Variants in FOXN3 observed in about 807,000 individuals in gnomAD.
FOXN3 encodes the protein forkhead box N3.
A neutral mutation model predicts 38.4 loss-of-function variants in FOXN3; 7 were observed. That is an observed-to-expected ratio of 0.18 (90% CI 0.10 to 0.34). The LOEUF (loss-of-function observed/expected upper bound fraction) is 0.34. FOXN3 is among the 10% of genes least tolerant of loss of function. The pLI, the probability that FOXN3 is intolerant of heterozygous loss-of-function variation, is 1.00. For missense variants in FOXN3, 456 were observed against 613.4 expected (o/e 0.74, Z 2.71); for synonymous variants, 230 against 242.2 (o/e 0.95, Z 0.47).
intron 1 of FOXN3, among the ~76,000 whole-genome samples, chr14:89,549,205 G>A (rs1478518304): frequency 6.8e-6 from 1 of 146,036 alleles, no homozygotes; most frequent in Non-Finnish European, 1.5e-5. Context: ...CTCATGTGTT[G>A]TTTGAAAGGC....
At chr14:89,262,942 G>A (rs563377972) in intron 4 of FOXN3, among the ~76,000 whole-genome samples, 24 of 152,238 alleles carry the variant, frequency 1.6e-4, no homozygotes, top group Non-Finnish European at 2.5e-4. Flanking sequence ...AACCTCTAAG[G>A]TACTGGTATA....
Position 89,160,843 on chromosome 14 carries a change from C to T in FOXN3, c.*1571G>A, listed in dbSNP as rs1449402241. On this transcript the variant is annotated 3_prime_UTR_variant, in exon 6 of 6. Coordinates refer to ENST00000557258, the MANE Select transcript of FOXN3 (RefSeq NM_005197.4). ...AATTTGTCCCTGAAGAAGGTTAAAC[C>T]TTAAACACCTGCTTCAAAAAACCAA... is the stretch of plus-strand genomic sequence containing the variant. 6.7e-6 allele frequency: 1 copy of T among 150,164 alleles called. No homozygotes were observed. The highest frequency in any genetic ancestry group is 2.5e-5 in the African/African-American group (1 of 40,602). The allele number at this position is 150,164 out of a possible 1,614,324, so 9.3% of individuals were successfully genotyped here.
intron 4 of FOXN3, among the ~76,000 whole-genome samples, chr14:89,250,533 A>G (rs1242263871): frequency 6.6e-6 from 1 of 152,256 alleles, no homozygotes; most frequent in Non-Finnish European, 1.5e-5. Flanking sequence ...AAAGAAAAGC[A>G]GCCTTTGATG....
intron 1 of FOXN3, among the ~76,000 whole-genome samples, chr14:89,507,233 C>T (rs1596301849): frequency 6.6e-6 from 1 of 152,164 alleles, no homozygotes; most frequent in Admixed American, 6.5e-5. Flanking sequence ...AGAAAGCCAC[C>T]TAACAGCATA....
At chr14:89,180,931 A>AACACACACACACACGTGCACAT (rs1887653418) in intron 4 of FOXN3, 125 bp from the exon 5 acceptor site, 1 of 397,154 alleles carries the variant, frequency 2.5e-6, no homozygotes, top group East Asian at 4.0e-5. Flanking sequence ...GACAGAGAGA[A>AACACACACACACACGTGCACAT]ACACACACAC....
intron 3 of FOXN3, among the ~76,000 whole-genome samples, chr14:89,284,106 C>T (rs1400344075): frequency 3.3e-5 from 5 of 152,266 alleles, no homozygotes; most frequent in Admixed American, 2.6e-4. Context: ...TGACCTCAAG[C>T]GATCCACTCG....
At chr14:89,244,884 A>G (rs1319494460) in intron 4 of FOXN3, among the ~76,000 whole-genome samples, 1 of 152,188 alleles carries the variant, frequency 6.6e-6, no homozygotes, top group Non-Finnish European at 1.5e-5. Flanking sequence ...CATTTCCTTC[A>G]ACTCATATTA....
At chr14:89,522,476 T>G (rs886434698) in intron 1 of FOXN3, among the ~76,000 whole-genome samples, 8 of 152,194 alleles carry the variant, frequency 5.3e-5, no homozygotes, top group Non-Finnish European at 5.9e-5. Flanking sequence ...ATAACTTTCT[T>G]TCTTATTATT....
chr14:89,240,996 C>A (rs993501666), intron 4 of FOXN3, among the ~76,000 whole-genome samples: 2 of 152,126 alleles, frequency 1.3e-5, no homozygotes, highest in African/African-American at 2.4e-5. Context: ...CCACAATAAT[C>A]ACTCTTGGAA....
In FOXN3 at chr14:89,412,463, A is replaced by G; in HGVS notation, c.14T>C (p.Met5Thr). The G allele has an allele frequency of 1.2e-6, 2 of 1,605,268 alleles. No homozygotes were observed. The highest frequency in any genetic ancestry group is 1.7e-6 in the Non-Finnish European group (2 of 1,174,180). ...GCTTTCTGGCTTCTTACTGGGAGGC[A>G]TGACTGGACCCATTTACGTGAAGGC... MGPVMPPSKKPESSG... is the reference protein window; with the variant it reads MGPVTPPSKKPESSG... Residue 5 changes from methionine (M) to threonine (T), a missense_variant, in exon 2 of 6, where the codon ATG becomes ACG. This residue lies in a region of FOXN3 where 59 missense variants were observed against 69.0 expected (regional missense o/e 0.85). Transcript: ENST00000557258. The surrounding 1 kb of genome is among the most constrained non-coding windows in gnomAD (Gnocchi z 4.7).
At chr14:89,463,472 A>T (rs987489964) in intron 1 of FOXN3, among the ~76,000 whole-genome samples, 1 of 152,190 alleles carries the variant, frequency 6.6e-6, no homozygotes, top group African/African-American at 2.4e-5. Context: ...GTAAAGATTC[A>T]CAAGACTGCA....
At chr14:89,369,713 C>T (rs1388881356) in intron 2 of FOXN3, among the ~76,000 whole-genome samples, 1 of 151,466 alleles carries the variant, frequency 6.6e-6, no homozygotes, top group Non-Finnish European at 1.5e-5. Context: ...CATCAGATCT[C>T]ATAAGACTTG....
At chr14:89,518,550 C>T (rs889671431) in intron 1 of FOXN3, among the ~76,000 whole-genome samples, 1 of 152,196 alleles carries the variant, frequency 6.6e-6, no homozygotes, top group Non-Finnish European at 1.5e-5. Flanking sequence ...TCCCTCCCCA[C>T]CTTTGCCAAG....
chr14:89,271,424 A>G (rs566181296), intron 4 of FOXN3, among the ~76,000 whole-genome samples: 1 of 152,356 alleles, frequency 6.6e-6, no homozygotes, highest in African/African-American at 2.4e-5. Flanking sequence ...TTTATATTTT[A>G]TAATCTAACT....
At chr14:89,416,501 G>T (rs896865811) in intron 1 of FOXN3, among the ~76,000 whole-genome samples, 1 of 152,126 alleles carries the variant, frequency 6.6e-6, no homozygotes, top group East Asian at 1.9e-4. Context: ...GTTTGGCCGG[G>T]GGGTGATCTT....
In FOXN3 at chr14:89,360,739, G is replaced by GCACTACCTCCACCACCACCTCCAGCAC. The variant is rs1889474714; in HGVS notation, c.544-9932_544-9931insGTGCTGGAGGTGGTGGTGGAGGTAGTG. Among the ~76,000 whole-genome samples, 10 of 65,000 alleles carry GCACTACCTCCACCACCACCTCCAGCAC rather than the reference G, an allele frequency of 1.5e-4. 1 individual carries two copies. Among genetic ancestry groups the GCACTACCTCCACCACCACCTCCAGCAC allele is most frequent in the African/African-American group, 6.3e-4 (9 of 14,274 alleles). 42.6% of individuals were successfully genotyped at this position (65,000 alleles called of 152,430 possible). A position where few individuals can be genotyped will look rare whatever the true frequency, so the allele number is the denominator to read the frequency against. On this transcript the variant is annotated intron_variant, in intron 2 of 5. Transcript: ENST00000557258. The stretch of plus-strand genomic sequence containing the variant: ...ACTACCTCCACCACCACCACCTCCA[G>GCACTACCTCCACCACCACCTCCAGCAC]CACCACCTCCACCACCACCTCCACC...
intron 3 of FOXN3, among the ~76,000 whole-genome samples, chr14:89,299,276 A>G (rs1030177293): frequency 6.6e-6 from 1 of 152,202 alleles, no homozygotes; most frequent in East Asian, 1.9e-4. Context: ...GGTAGTGAAT[A>G]AGTCTCACAA....
rs551262951 is a variant in FOXN3, at chr14:89,463,061, A to C, written c.-14-50571T>G. Among the ~76,000 whole-genome samples, 1,003 of 150,750 alleles carry C rather than the reference A, an allele frequency of 6.7e-3. 16 individuals carry two copies. The highest frequency in any genetic ancestry group is 0.024 in the African/African-American group (966 of 41,096). ...ATCCCAGCACTTTGGGAGGCCAAGG[A>C]GGGCGGATCACGAGGTCAGGAGATT... On this transcript the variant is annotated intron_variant, in intron 1 of 6. Transcript: ENST00000345097.
At chr14:89,263,399 T>G (rs756032984) in intron 4 of FOXN3, among the ~76,000 whole-genome samples, 2 of 151,740 alleles carry the variant, frequency 1.3e-5, no homozygotes, top group Non-Finnish European at 2.9e-5. Context: ...AGACTGACAT[T>G]CAGTAATCTT....
Sources: allele counts gnomAD v4.1 joint callset (sites outside exome capture counted in the v4.1 genomes callset), GRCh38; gene constraint gnomAD v4.1.1; regional missense constraint gnomAD v4.1.1; non-coding constraint Gnocchi (gnomAD v3.1); transcripts MANE v1.5; gene names NCBI Gene and HGNC (gene_info 2026-07-23, HGNC 2026-07-21).